The following ADAM12 variants were observed in gnomAD, a reference collection of about 807,000 sequenced individuals.
The protein encoded by ADAM12 is ADAM metallopeptidase domain 12.
Under a neutral mutation model 106.4 loss-of-function variants are expected in ADAM12, and 70 were observed. The observed-to-expected ratio is 0.66, with a 90% CI of 0.54 to 0.80. The LOEUF is 0.80. Ranked by LOEUF, ADAM12 falls within the 30% of genes least tolerant of loss-of-function variation. The pLI is 0.00. For missense variants in ADAM12, 1,010 were observed against 1,171.9 expected (o/e 0.86, Z 2.02); for synonymous variants, 420 against 433.5 (o/e 0.97, Z 0.39).
At chr10:126,179,360 C>A (rs541577117) in intron 3 of ADAM12, among the ~76,000 whole-genome samples, 3 of 152,206 alleles carry the variant, frequency 2.0e-5, no homozygotes, top group Admixed American at 6.5e-5. Flanking sequence ...TACAATCAAT[C>A]GGCACCACTT....
chr10:126,229,135 G>A (rs1958257540), intron 3 of ADAM12, among the ~76,000 whole-genome samples: 1 of 152,206 alleles, frequency 6.6e-6, no homozygotes, highest in South Asian at 2.1e-4. Context: ...ATGTGCAGAT[G>A]CCCTCAGAGC....
chr10:126,216,149 C>T (rs570606437), intron 3 of ADAM12, among the ~76,000 whole-genome samples: 44 of 152,260 alleles, frequency 2.9e-4, no homozygotes, highest in African/African-American at 9.4e-4. Context: ...AGTGAAACTC[C>T]CTAAATCACA....
chr10:126,209,372 A>G (rs74158386), intron 3 of ADAM12, among the ~76,000 whole-genome samples: 1 of 152,380 alleles, frequency 6.6e-6, no homozygotes, highest in African/African-American at 2.4e-5. Context: ...TACCTGATCC[A>G]TAGTGCTGTT....
intron 3 of ADAM12, among the ~76,000 whole-genome samples, chr10:126,185,084 T>C (rs569577209): frequency 1.3e-5 from 2 of 152,232 alleles, no homozygotes; most frequent in Non-Finnish European, 2.9e-5. Flanking sequence ...CATATATCCT[T>C]TCAGGACCGT....
At chr10:126,251,865 TGGATGGATG>T (rs1958776088) in intron 3 of ADAM12, among the ~76,000 whole-genome samples, 1 of 126,076 alleles carries the variant, frequency 7.9e-6, no homozygotes, top group South Asian at 2.6e-4. Flanking sequence ...ATAGGACAGA[TGGATGGATG>T]GGATGGATGC....
intron 1 of ADAM12, among the ~76,000 whole-genome samples, chr10:126,347,312 T>C (rs1395690735): frequency 6.6e-6 from 1 of 152,198 alleles, no homozygotes. Flanking sequence ...AAATTCTGGG[T>C]TGAAAATTCT....
intron 18 of ADAM12, among the ~76,000 whole-genome samples, chr10:126,042,413 G>A (rs1039707863): frequency 6.4e-5 from 9 of 140,134 alleles, no homozygotes; most frequent in African/African-American, 2.1e-4. Flanking sequence ...CTGTGTGTGT[G>A]TAAATCTTAG....
At chr10:126,217,051 C>G (rs1958000377) in intron 3 of ADAM12, among the ~76,000 whole-genome samples, 1 of 152,188 alleles carries the variant, frequency 6.6e-6, no homozygotes, top group African/African-American at 2.4e-5. Flanking sequence ...TCAGGGATGT[C>G]AGCAAACAAA....
intron 1 of ADAM12, among the ~76,000 whole-genome samples, chr10:126,370,505 C>G (rs572321572): frequency 6.6e-6 from 1 of 152,072 alleles, no homozygotes; most frequent in Non-Finnish European, 1.5e-5. Flanking sequence ...TCCTTTGATG[C>G]GAAAATGAAA....
intron 1 of ADAM12, among the ~76,000 whole-genome samples, chr10:126,346,165 A>G (rs1271660518): frequency 1.3e-5 from 2 of 152,114 alleles, no homozygotes; most frequent in African/African-American, 4.8e-5. Context: ...ATTTAGTGCT[A>G]TAAATTTCCC....
At chr10:126,165,400 A>T (rs1957006584) in intron 3 of ADAM12, among the ~76,000 whole-genome samples, 1 of 152,016 alleles carries the variant, frequency 6.6e-6, no homozygotes. Flanking sequence ...AACTCCTGAC[A>T]CCTATCTCAG....
intron 3 of ADAM12, among the ~76,000 whole-genome samples, chr10:126,270,534 CTT>C (rs1020357846): frequency 6.6e-6 from 1 of 152,202 alleles, no homozygotes; most frequent in African/African-American, 2.4e-5. Context: ...TTAAATTAAA[CTT>C]AATTTAAATA....
intron 4 of ADAM12, among the ~76,000 whole-genome samples, chr10:126,136,106 G>GAGGAAGTGGGGGTGAAGA (rs1333310427): frequency 6.8e-5 from 7 of 103,688 alleles, no homozygotes; most frequent in Non-Finnish European, 1.4e-4. Context: ...AAGCAGATGA[G>GAGGAAGTGGGGGTGAAGA]AGGAAGTGGG....
chr10:126,015,207 T>C lies in ADAM12; in HGVS notation c.*2072A>G, dbSNP rs911373191. ...TTTAACCTCCTTTAATATCAAACTC[T>C]CCTGGCTCTCTGAAATAGAAGCATA... On this transcript the variant is annotated 3_prime_UTR_variant, in exon 23 of 23. Coordinates refer to ENST00000448723, the MANE Select transcript of ADAM12 (RefSeq NM_001288973.2). 1.3e-5 allele frequency: 2 copies of C among 152,152 alleles called. No individual in the cohort carries two copies. Among genetic ancestry groups the C allele is most frequent in the African/African-American group, 4.8e-5 (2 of 41,444 alleles). The allele number at this position is 152,152 out of a possible 1,614,324, so 9.4% of individuals were successfully genotyped here. A position where few individuals can be genotyped will look rare whatever the true frequency, so the allele number is the denominator to read the frequency against.
intron 3 of ADAM12, among the ~76,000 whole-genome samples, chr10:126,231,900 T>C (rs919360602): frequency 6.7e-6 from 1 of 150,240 alleles, no homozygotes; most frequent in Admixed American, 6.6e-5. Flanking sequence ...CAGTGTAGAT[T>C]CTTTTGATCC....
chr10:126,291,897 A>T (rs757786035), intron 2 of ADAM12, among the ~76,000 whole-genome samples: 16 of 152,052 alleles, frequency 1.1e-4, no homozygotes, highest in Non-Finnish European at 2.1e-4. Context: ...TATGGGTATA[A>T]CTTTCCATTT....
chr10:126,211,255 A>T (rs1225741715), intron 3 of ADAM12, among the ~76,000 whole-genome samples: 1 of 152,198 alleles, frequency 6.6e-6, no homozygotes, highest in Non-Finnish European at 1.5e-5. Context: ...AAATAGCTGC[A>T]TCAAAACTTG....
chr10:126,260,139 C>T, intron 3 of ADAM12, among the ~76,000 whole-genome samples: 1 of 152,338 alleles, frequency 6.6e-6, no homozygotes, highest in Middle Eastern at 3.4e-3. Flanking sequence ...ATACACATTA[C>T]CTACCTACCC....
intron 3 of ADAM12, among the ~76,000 whole-genome samples, chr10:126,259,885 G>A (rs945472969): frequency 2.0e-5 from 3 of 152,188 alleles, no homozygotes; most frequent in African/African-American, 4.8e-5. Context: ...TGGTGATAGG[G>A]AAATGATGCA....
Sources: allele counts gnomAD v4.1 joint callset (sites outside exome capture counted in the v4.1 genomes callset), GRCh38; gene constraint gnomAD v4.1.1; transcripts MANE v1.5; gene names NCBI Gene and HGNC (gene_info 2026-07-23, HGNC 2026-07-21).